The following SHROOM2 variants were observed in gnomAD, a reference collection of about 807,000 sequenced individuals.
SHROOM2 encodes the protein protein Shroom2.
A neutral mutation model predicts 75.9 loss-of-function variants in SHROOM2; 33 were observed. The ratio of observed to expected loss-of-function variants is 0.43; its 90% CI spans 0.33 to 0.58. The LOEUF is 0.58. SHROOM2 is among the 20% of genes least tolerant of loss of function. SHROOM2 has a pLI of 0.04. For missense variants in SHROOM2, 1,434 were observed against 1,461.2 expected (o/e 0.98, Z 0.30); for synonymous variants, 655 against 663.6 (o/e 0.99, Z 0.20).
In SHROOM2 at chrX:9,872,649, C is replaced by T. The variant is rs1457529079; in HGVS notation, c.166-1003C>T. Reference sequence around the variant, plus strand: ...TCAGTCAATACACATTGGGAGGATACTGTGTTTAGCACTGAGTAGTGAATA... The same window carrying T: ...TCAGTCAATACACATTGGGAGGATATTGTGTTTAGCACTGAGTAGTGAATA... On this transcript the variant is annotated intron_variant, in intron 1 of 9. Transcript: ENST00000380913. 6.2e-5 allele frequency among the ~76,000 whole-genome samples: 7 copies of T among 112,155 alleles called. No individual in the cohort carries two copies. The Admixed American group carries it at 6.6e-4, about 11-fold the overall frequency.
At chrX:9,874,657 G>GTT (rs2084188320) in intron 2 of SHROOM2, 1 of 111,198 alleles carries the variant, frequency 9.0e-6, no homozygotes, top group Admixed American at 9.6e-5. Flanking sequence ...ATCTGTAACT[G>GTT]GTTGTGACTA....
intron 1 of SHROOM2, among the ~76,000 whole-genome samples, chrX:9,788,219 C>T (rs186412817): frequency 4.7e-3 from 516 of 110,558 alleles, no homozygotes; most frequent in Non-Finnish European, 8.3e-3. Context: ...AGCTTTGAAT[C>T]TTCCTCTCCC....
At chrX:9,887,643 G>A (rs2084268113) in intron 2 of SHROOM2, among the ~76,000 whole-genome samples, 1 of 112,538 alleles carries the variant, frequency 8.9e-6, no homozygotes, top group Non-Finnish European at 1.9e-5. Flanking sequence ...TGGCCTATAC[G>A]GAGGTACTCA....
intron 5 of SHROOM2, among the ~76,000 whole-genome samples, chrX:9,928,383 C>T (rs2084615261): frequency 8.9e-6 from 1 of 112,678 alleles, no homozygotes; most frequent in Non-Finnish European, 1.9e-5. Context: ...TTTGTGTGGC[C>T]GAACTTCCTG....
At chrX:9,828,260 T>C (rs1262887893) in intron 1 of SHROOM2, among the ~76,000 whole-genome samples, 1 of 112,071 alleles carries the variant, frequency 8.9e-6, no homozygotes, top group Non-Finnish European at 1.9e-5. Flanking sequence ...CCAATCACCT[T>C]CTACCTGGTC....
chrX:9,929,390 C>T (rs1278393606), intron 5 of SHROOM2, among the ~76,000 whole-genome samples: 1 of 111,861 alleles, frequency 8.9e-6, no homozygotes, highest in Non-Finnish European at 1.9e-5. Context: ...TGGGAAGTGA[C>T]GATGCAGCAC....
intron 5 of SHROOM2, among the ~76,000 whole-genome samples, chrX:9,930,520 GAAAA>G (rs1403688872): frequency 8.3e-5 from 8 of 96,873 alleles, no homozygotes. Context: ...AAAAAAAAAA[GAAAA>G]GAAAGAAAGA....
At chrX:9,888,271 G>T (rs1420079994) in intron 2 of SHROOM2, among the ~76,000 whole-genome samples, 1 of 110,964 alleles carries the variant, frequency 9.0e-6, no homozygotes, top group Non-Finnish European at 1.9e-5. Flanking sequence ...CTCTGCAGGG[G>T]CCATACGTGC....
At chrX:9,900,753 C>T (rs1021732815) in intron 5 of SHROOM2, among the ~76,000 whole-genome samples, 4 of 110,726 alleles carry the variant, frequency 3.6e-5, no homozygotes, top group African/African-American at 1.3e-4. Context: ...AAACAGGTGG[C>T]GTTTGAGCTA....
chrX:9,788,346 C>G (rs1302306819), intron 1 of SHROOM2, among the ~76,000 whole-genome samples: 2 of 111,180 alleles, frequency 1.8e-5, no homozygotes, highest in East Asian at 5.6e-4. Context: ...GTACAACTCA[C>G]TTGCTATTTA....
intron 5 of SHROOM2, among the ~76,000 whole-genome samples, chrX:9,899,866 C>G (rs2084356153): frequency 8.9e-6 from 1 of 112,594 alleles, no homozygotes; most frequent in African/African-American, 3.2e-5. Flanking sequence ...CCGTGCAGTG[C>G]ATCGTGGGCA....
intron 1 of SHROOM2, among the ~76,000 whole-genome samples, chrX:9,791,980 AGAAT>A: frequency 0.014 from 1 of 71 alleles, no homozygotes; most frequent in Non-Finnish European, 0.17. Context: ...AGAATAGAAT[AGAAT>A]AGAATAGAAT....
At chrX:9,941,687 A>G (rs1036909431) in intron 8 of SHROOM2, among the ~76,000 whole-genome samples, 1 of 111,112 alleles carries the variant, frequency 9.0e-6, no homozygotes, top group African/African-American at 3.3e-5. Context: ...AAATTTCCTG[A>G]GCGGCCGGGC....
intron 5 of SHROOM2, among the ~76,000 whole-genome samples, chrX:9,917,466 A>G (rs1239127921): frequency 3.6e-5 from 4 of 111,166 alleles, no homozygotes; most frequent in Non-Finnish European, 7.5e-5. Flanking sequence ...TCTGAACACC[A>G]AAGAGCTTCT....
At chrX:9,935,526 A>G (rs902791894) in intron 6 of SHROOM2, among the ~76,000 whole-genome samples, 8 of 110,580 alleles carry the variant, frequency 7.2e-5, no homozygotes, top group African/African-American at 2.6e-4. Flanking sequence ...TATTTTCCAC[A>G]GTTAGACTTT....
At chrX:9,786,754 C>T in intron 1 of SHROOM2, 44 bp downstream of exon 1, 1 of 850,794 alleles carries the variant, frequency 1.2e-6, no homozygotes, top group Middle Eastern at 5.5e-4. Flanking sequence ...CGGGAGCTGG[C>T]CGCCCTGCGG....
At chrX:9,798,068 G>A (rs930982347) in intron 1 of SHROOM2, among the ~76,000 whole-genome samples, 1 of 111,467 alleles carries the variant, frequency 9.0e-6, no homozygotes, top group Admixed American at 9.6e-5. Context: ...TTGAAAGCCA[G>A]ATGAAAGCCA....
chrX:9,866,628 C>T (rs191210966), intron 1 of SHROOM2, among the ~76,000 whole-genome samples: 2 of 111,102 alleles, frequency 1.8e-5, no homozygotes, highest in East Asian at 2.8e-4. Context: ...CCATCAGGGT[C>T]GTTGTCCTTG....
At chrX:9,833,645 T>TGTGTGTGTGC (rs989151309) in intron 1 of SHROOM2, among the ~76,000 whole-genome samples, 13 of 100,085 alleles carry the variant, frequency 1.3e-4, no homozygotes, top group African/African-American at 4.6e-4. Flanking sequence ...TGTGTGTGTG[T>TGTGTGTGTGC]GCATGCACGT....
Sources: allele counts gnomAD v4.1 joint callset (sites outside exome capture counted in the v4.1 genomes callset), GRCh38; gene constraint gnomAD v4.1.1; transcripts MANE v1.5; gene names NCBI Gene and HGNC (gene_info 2026-07-23, HGNC 2026-07-21).